The following NCK1 variants were observed in gnomAD, a reference collection of about 807,000 sequenced individuals.
NCK1 encodes the protein SH2/SH3 adapter protein NCK1.
NCK1 carries 19 observed loss-of-function variants against 36.6 expected under a neutral mutation model. That is an observed-to-expected ratio of 0.52 (90% CI 0.36 to 0.76). NCK1 has a LOEUF of 0.76. Among genes scored for constraint, NCK1 ranks in the 30% least tolerant of loss-of-function variants. The pLI, the probability that NCK1 is intolerant of heterozygous loss-of-function variation, is 0.00. For missense variants in NCK1, 358 were observed against 445.6 expected, an observed-to-expected ratio of 0.80 and a Z score of 1.77; for synonymous variants, 165 against 156.0, an observed-to-expected ratio of 1.06 and a Z score of -0.43.
At chr3:136,866,875 A>G (rs1051107043) in intron 1 of NCK1, among the ~76,000 whole-genome samples, 1 of 151,952 alleles carries the variant, frequency 6.6e-6, no homozygotes, top group African/African-American at 2.4e-5. Context: ...GGCTTCCCAA[A>G]GTGTTGGGAT....
At chr3:136,870,369 C>G (rs1006611499) in intron 1 of NCK1, among the ~76,000 whole-genome samples, 1 of 151,138 alleles carries the variant, frequency 6.6e-6, no homozygotes, top group Non-Finnish European at 1.5e-5. Context: ...TCCTTTTCTT[C>G]CAAAAATTTT....
chr3:136,948,478 G>C lies in NCK1; in HGVS notation c.*25G>C, dbSNP rs765448509. On this transcript the variant is annotated 3_prime_UTR_variant, in exon 4 of 4. Coordinates refer to ENST00000481752, the MANE Select transcript of NCK1 (RefSeq NM_001291999.2). ...ATACTGCTGACCAGAAGTGACTGCT[G>C]TGTAGCTGTAATTTGTCATGTAATT... 8.8e-5 allele frequency: 140 copies of C among 1,583,362 alleles called. No homozygotes were observed. Among genetic ancestry groups the C allele is most frequent in the Non-Finnish European group, 1.2e-4 (140 of 1,160,286 alleles).
At chr3:136,882,035 A>G (rs1938955534) in intron 1 of NCK1, among the ~76,000 whole-genome samples, 1 of 152,148 alleles carries the variant, frequency 6.6e-6, no homozygotes, top group South Asian at 2.1e-4. Flanking sequence ...TTTTTGATGT[A>G]CACCCAGAAG....
intron 1 of NCK1, among the ~76,000 whole-genome samples, chr3:136,914,906 A>G (rs1235222985): frequency 6.6e-6 from 1 of 152,150 alleles, no homozygotes; most frequent in Non-Finnish European, 1.5e-5. Flanking sequence ...TTCTCACTAT[A>G]TTAGTTCCTG....
At chr3:136,927,901 ATTTTTAG>A in intron 1 of NCK1, 76 bp from the exon 2 acceptor site, 1 of 985,254 alleles carries the variant, frequency 1.0e-6, no homozygotes, top group South Asian at 1.6e-5. Flanking sequence ...ATGTCTTTAG[ATTTTTAG>A]GTGTGTCTCT....
chr3:136,931,859 C>T (rs1940398807), intron 2 of NCK1, among the ~76,000 whole-genome samples: 1 of 152,088 alleles, frequency 6.6e-6, no homozygotes, highest in Non-Finnish European at 1.5e-5. Flanking sequence ...GCAGCTCAAG[C>T]CTGTAATCTC....
At chr3:136,923,486 C>A (rs923637646) in intron 1 of NCK1, among the ~76,000 whole-genome samples, 1 of 151,896 alleles carries the variant, frequency 6.6e-6, no homozygotes, top group African/African-American at 2.4e-5. Flanking sequence ...ACCTGGGAGG[C>A]GGAGGTTGCA....
At chr3:136,934,342 G>T (rs954916766) in intron 2 of NCK1, among the ~76,000 whole-genome samples, 1 of 151,998 alleles carries the variant, frequency 6.6e-6, no homozygotes, top group African/African-American at 2.4e-5. Context: ...TTGGAGTGCA[G>T]TGGTGTGATC....
At chr3:136,939,843 T>C (rs75865690) in intron 2 of NCK1, among the ~76,000 whole-genome samples, 1 of 43,022 alleles carries the variant, frequency 2.3e-5, no homozygotes, top group African/African-American at 7.5e-5. Context: ...TGAGGCCTTT[T>C]TTTTTTTTTT....
At chr3:136,915,795 G>A (rs2108116316) in intron 1 of NCK1, among the ~76,000 whole-genome samples, 1 of 150,732 alleles carries the variant, frequency 6.6e-6, no homozygotes, top group Admixed American at 6.6e-5. Flanking sequence ...GAGCCATCTT[G>A]GCTCACTGCA....
chr3:136,907,975 T>A (rs1408286570), intron 1 of NCK1, among the ~76,000 whole-genome samples: 1 of 152,222 alleles, frequency 6.6e-6, no homozygotes, highest in Non-Finnish European at 1.5e-5. Context: ...ATCCTTAACC[T>A]AATATTTGAT....
intron 2 of NCK1, among the ~76,000 whole-genome samples, chr3:136,935,831 C>T (rs537705008): frequency 6.6e-5 from 10 of 152,156 alleles, no homozygotes; most frequent in Non-Finnish European, 7.4e-5. Flanking sequence ...TTCCATCACC[C>T]CAAAAATAGT....
chr3:136,886,955 T>C (rs11921170), intron 1 of NCK1, among the ~76,000 whole-genome samples: 103,478 of 151,754 alleles, frequency 0.68, 35,575 homozygotes, highest in East Asian at 0.87. Context: ...GCGATTCTTA[T>C]GCCTCAGCCT....
chr3:136,893,791 T>C (rs963294648), intron 1 of NCK1, among the ~76,000 whole-genome samples: 2 of 152,346 alleles, frequency 1.3e-5, no homozygotes, highest in African/African-American at 2.4e-5. Flanking sequence ...GTTAGTGATA[T>C]AAGCCAGTGG....
chr3:136,887,499 G>A (rs1052568877), intron 1 of NCK1, among the ~76,000 whole-genome samples: 4 of 152,220 alleles, frequency 2.6e-5, no homozygotes, highest in Admixed American at 1.3e-4. Flanking sequence ...AAAAGAAGTT[G>A]AGAGATAAAG....
At chr3:136,876,760 A>T (rs1938784746) in intron 1 of NCK1, among the ~76,000 whole-genome samples, 1 of 152,136 alleles carries the variant, frequency 6.6e-6, no homozygotes, top group Non-Finnish European at 1.5e-5. Flanking sequence ...GATAGCTGTA[A>T]GGCTACAGTG....
chr3:136,911,982 C>G (rs775010222), intron 1 of NCK1, among the ~76,000 whole-genome samples: 2 of 151,774 alleles, frequency 1.3e-5, no homozygotes, highest in Non-Finnish European at 2.9e-5. Context: ...ATTGAGGATC[C>G]CTTATATGTG....
intron 1 of NCK1, among the ~76,000 whole-genome samples, chr3:136,880,402 AGG>A (rs542823789): frequency 2.7e-4 from 41 of 152,268 alleles, no homozygotes; most frequent in African/African-American, 9.9e-4. Flanking sequence ...CTTTTAAAAA[AGG>A]GAGAGATTTT....
chr3:136,910,326 T>C (rs1226660120), intron 1 of NCK1, among the ~76,000 whole-genome samples: 1 of 152,224 alleles, frequency 6.6e-6, no homozygotes, highest in African/African-American at 2.4e-5. Context: ...AGTAACTTCC[T>C]GTACAGCTCC....
Sources: allele counts gnomAD v4.1 joint callset (sites outside exome capture counted in the v4.1 genomes callset), GRCh38; gene constraint gnomAD v4.1.1; transcripts MANE v1.5; gene names NCBI Gene and HGNC (gene_info 2026-07-23, HGNC 2026-07-21).